The following LPP variants were observed in gnomAD, a reference collection of about 807,000 sequenced individuals.
The protein encoded by LPP is lipoma-preferred partner.
A neutral mutation model predicts 60.4 loss-of-function variants in LPP; 38 were observed. The ratio of observed to expected loss-of-function variants is 0.63; its 90% CI spans 0.49 to 0.83. LPP has a LOEUF of 0.83. LPP is among the 40% of genes least tolerant of loss of function. LPP has a pLI of 0.00. For synonymous variants in LPP, 328 were observed against 290.8 expected (o/e 1.13, Z -1.30); for missense variants, 902 against 783.6 (o/e 1.15, Z -1.80).
intron 2 of LPP, chr3:188,240,290 A>C (rs2149444650): frequency 5.9e-6 from 1 of 169,178 alleles, no homozygotes; most frequent in South Asian, 2.0e-4. Context: ...AATAGCTTAC[A>C]GCTTGCCTAA....
At chr3:188,777,104 C>A (rs1738047977) in intron 9 of LPP, among the ~76,000 whole-genome samples, 1 of 152,086 alleles carries the variant, frequency 6.6e-6, no homozygotes, top group South Asian at 2.1e-4. Context: ...CATAATAATA[C>A]CTTATACTTA....
At chr3:188,187,204 G>C (rs914457210) in intron 1 of LPP, among the ~76,000 whole-genome samples, 4 of 152,096 alleles carry the variant, frequency 2.6e-5, no homozygotes, top group African/African-American at 9.7e-5. Context: ...TCTGTGGTTT[G>C]ATTGCAAAAG....
chr3:188,240,990 T>A (rs1724428196), intron 2 of LPP, among the ~76,000 whole-genome samples: 1 of 152,204 alleles, frequency 6.6e-6, no homozygotes, highest in Non-Finnish European at 1.5e-5. Flanking sequence ...AATGTTAAGA[T>A]GTTACGGGGT....
chr3:188,721,316 C>T (rs936457443), intron 8 of LPP, among the ~76,000 whole-genome samples: 4 of 151,842 alleles, frequency 2.6e-5, no homozygotes, highest in Non-Finnish European at 5.9e-5. Flanking sequence ...TTTGGGAGGC[C>T]GAGGCTGGAG....
chr3:188,808,711 A>G (rs1749949571), intron 9 of LPP, among the ~76,000 whole-genome samples: 1 of 152,176 alleles, frequency 6.6e-6, no homozygotes, highest in Non-Finnish European at 1.5e-5. Flanking sequence ...ACATGTGCAG[A>G]ACATGCAGGT....
intron 2 of LPP, among the ~76,000 whole-genome samples, chr3:188,337,576 T>C (rs1373066349): frequency 1.3e-5 from 2 of 152,216 alleles, no homozygotes; most frequent in African/African-American, 4.8e-5. Context: ...TCTGAGTTTC[T>C]TGCTATCCAG....
chr3:188,250,828 CTT>C (rs1729179970), intron 2 of LPP, among the ~76,000 whole-genome samples: 2 of 127,430 alleles, frequency 1.6e-5, no homozygotes, highest in African/African-American at 3.0e-5. Context: ...CTTTCTTTTT[CTT>C]TCTTTCTTTT....
intron 1 of LPP, among the ~76,000 whole-genome samples, chr3:188,183,286 G>T (rs1209085987): frequency 6.6e-6 from 1 of 152,160 alleles, no homozygotes; most frequent in East Asian, 1.9e-4. Flanking sequence ...CCTCTTTGGG[G>T]CTATGATTGA....
chr3:188,670,371 G>A (rs1040052104), intron 7 of LPP, among the ~76,000 whole-genome samples: 3 of 151,988 alleles, frequency 2.0e-5, no homozygotes, highest in African/African-American at 7.2e-5. Flanking sequence ...GAAAGAGTGA[G>A]GAAGGGTTTT....
At chr3:188,253,899 G>A (rs558152183) in intron 2 of LPP, among the ~76,000 whole-genome samples, 55 of 152,142 alleles carry the variant, frequency 3.6e-4, no homozygotes, top group African/African-American at 1.3e-3. Flanking sequence ...GTTCCTCGCC[G>A]CATGGTAATT....
At position 188,573,680 on chromosome 3, in the gene LPP, A is replaced by C. The variant is rs57480009; in HGVS notation, c.430-35481A>C. On this transcript the variant is annotated intron_variant, in intron 6 of 11. Transcript: ENST00000617246. ...TACATTCTCAATCTTGCTTAATTTC[A>C]CTTTGCAAGTTAATCTGGCTGCTTG... Among the ~76,000 whole-genome samples, 7 of 152,200 alleles carry C rather than the reference A, an allele frequency of 4.6e-5. No homozygotes were observed. In the East Asian group the frequency reaches 1.4e-3, roughly 29 times the overall value.
chr3:188,638,354 G>A (rs1849287052), intron 7 of LPP, among the ~76,000 whole-genome samples: 2 of 149,144 alleles, frequency 1.3e-5, no homozygotes, highest in South Asian at 4.3e-4. Context: ...AGGTATTGAT[G>A]GGATGTATTT....
At chr3:188,569,894 C>T (rs370171415) in intron 6 of LPP, among the ~76,000 whole-genome samples, 1 of 151,948 alleles carries the variant, frequency 6.6e-6, no homozygotes. Flanking sequence ...CAATCATTAC[C>T]TCAATTTAAT....
intron 9 of LPP, among the ~76,000 whole-genome samples, chr3:188,805,465 A>G (rs556885433): frequency 6.6e-6 from 1 of 151,832 alleles, no homozygotes; most frequent in South Asian, 2.1e-4. Flanking sequence ...CATGATATTT[A>G]TAATTAATGT....
At chr3:188,722,389 A>T (rs1366587198) in intron 8 of LPP, among the ~76,000 whole-genome samples, 1 of 152,184 alleles carries the variant, frequency 6.6e-6, no homozygotes, top group Non-Finnish European at 1.5e-5. Context: ...CAATAGTCTA[A>T]TGTAGATGAT....
In LPP at chr3:188,453,329, G is replaced by T. The variant is rs190444177; in HGVS notation, c.194-31263G>T. ...GGCTTTTTTGTTTGTTTGAGACAGGGTCTCACTCCGATCACCCAGGCTGGA... is the reference window on the plus strand; with the variant it reads ...GGCTTTTTTGTTTGTTTGAGACAGGTTCTCACTCCGATCACCCAGGCTGGA... On this transcript the variant is annotated intron_variant, in intron 4 of 11. Coordinates refer to ENST00000617246, the MANE Select transcript of LPP (RefSeq NM_001375462.1). 3.3e-4 allele frequency among the ~76,000 whole-genome samples: 50 copies of T among 152,040 alleles called. No individual in the cohort carries two copies. In the South Asian group the frequency reaches 3.3e-3, roughly 10 times the overall value.
chr3:188,581,185 C>T (rs1337795247), intron 6 of LPP, among the ~76,000 whole-genome samples: 1 of 151,910 alleles, frequency 6.6e-6, no homozygotes, highest in Non-Finnish European at 1.5e-5. Context: ...GCAACAGATA[C>T]CTCAGGGCAA....
chr3:188,579,851 T>C (rs924350966), intron 6 of LPP, among the ~76,000 whole-genome samples: 2 of 133,448 alleles, frequency 1.5e-5, no homozygotes, highest in Non-Finnish European at 3.1e-5. Flanking sequence ...GCACTTGTTG[T>C]GTCAGCCACT....
chr3:188,197,373 T>C lies in LPP; in HGVS notation c.-189-28032T>C, dbSNP rs796349397. On this transcript the variant is annotated intron_variant, in intron 1 of 11. Transcript: ENST00000617246. The stretch of plus-strand genomic sequence containing the variant: ...TCTCAGGAGTCCCTTTGGGCTAGTG[T>C]CTATCATTTTCTCCTGAGCTGGGTT... 5.3e-5 allele frequency among the ~76,000 whole-genome samples: 8 copies of C among 152,252 alleles called. 1 individual carries two copies. Among genetic ancestry groups the C allele is most frequent in the African/African-American group, 1.9e-4 (8 of 41,538 alleles).
Sources: gnomAD v4.1 joint callset for allele counts (sites outside exome capture counted in the v4.1 genomes callset) on GRCh38, gnomAD v4.1.1 for gene constraint, MANE v1.5 for transcripts, NCBI Gene and HGNC (gene_info 2026-07-23, HGNC 2026-07-21) for gene names.